THOC5: variants seen among roughly 807,000 people sequenced by gnomAD.
The protein encoded by THOC5 is Fms-interacting protein.
THOC5 carries 43 observed loss-of-function variants against 92.9 expected under a neutral mutation model. The ratio of observed to expected loss-of-function variants is 0.46; its 90% CI spans 0.36 to 0.60. The LOEUF (loss-of-function observed/expected upper bound fraction) is 0.60, where lower values mean the gene tolerates loss of function less well. THOC5 is among the 20% of genes least tolerant of loss of function. THOC5 has a pLI of 0.00. For missense variants in THOC5, 659 were observed against 849.4 expected (o/e 0.78, Z 2.79); for synonymous variants, 296 against 320.1 (o/e 0.92, Z 0.80).
At chr22:29,543,366 AAAAAAAG>A in intron 4 of THOC5, 56 bp downstream of exon 4, 1 of 1,126,820 alleles carries the variant, frequency 8.9e-7, no homozygotes. Flanking sequence ...AAAAAAAAAA[AAAAAAAG>A]AAGGGGATGG....
intron 3 of THOC5, among the ~76,000 whole-genome samples, chr22:29,544,179 A>G (rs1436204001): frequency 6.6e-6 from 1 of 152,198 alleles, no homozygotes; most frequent in Non-Finnish European, 1.5e-5. Flanking sequence ...ATCATTTCTC[A>G]ACACCTAGCA....
chr22:29,530,684 C>G (rs935070258), intron 8 of THOC5, among the ~76,000 whole-genome samples: 3 of 152,188 alleles, frequency 2.0e-5, no homozygotes, highest in Admixed American at 6.5e-5. Context: ...CTTGGCCTCT[C>G]CAGCACATGA....
chr22:29,529,029 C>T (rs926449105), intron 9 of THOC5, 133 bp downstream of exon 9: 1 of 865,640 alleles, frequency 1.2e-6, no homozygotes, highest in Admixed American at 2.2e-5. Context: ...TTCCTGTCTA[C>T]TCCAGGGTGC....
At chr22:29,525,978 G>T in intron 11 of THOC5, 32 bp from the exon 12 acceptor site, 1 of 1,369,248 alleles carries the variant, frequency 7.3e-7, no homozygotes, top group Non-Finnish European at 1.0e-6. Flanking sequence ...GAATTTATGA[G>T]TCAAAACACT....
intron 5 of THOC5, among the ~76,000 whole-genome samples, chr22:29,539,763 A>G (rs1270618342): frequency 6.6e-6 from 1 of 152,170 alleles, no homozygotes; most frequent in Non-Finnish European, 1.5e-5. Context: ...TGAGCAGGAG[A>G]ACTACTAGCT....
At chr22:29,548,835 C>G (rs2064082034) in intron 2 of THOC5, among the ~76,000 whole-genome samples, 1 of 152,174 alleles carries the variant, frequency 6.6e-6, no homozygotes, top group Admixed American at 6.6e-5. Flanking sequence ...ATAATCATGT[C>G]TAATACAGGC....
intron 17 of THOC5, among the ~76,000 whole-genome samples, chr22:29,512,415 A>G (rs2063242701): frequency 6.6e-6 from 1 of 152,184 alleles, no homozygotes; most frequent in African/African-American, 2.4e-5. Flanking sequence ...GGCTCTCTCC[A>G]TGAGTTCTAT....
At chr22:29,543,312 C>T in intron 4 of THOC5, 117 bp downstream of exon 4, 1 of 659,796 alleles carries the variant, frequency 1.5e-6, no homozygotes, top group Non-Finnish European at 2.5e-6. Context: ...CGTGCCACTG[C>T]ACTCTAGCCT....
At chr22:29,536,569 T>A (rs2063763896) in intron 7 of THOC5, 55 bp downstream of exon 7, 2 of 1,078,266 alleles carry the variant, frequency 1.9e-6, no homozygotes. Flanking sequence ...GTGACATGAC[T>A]TCTGGCAGCG....
chr22:29,547,503 C>T (rs1196505131), intron 2 of THOC5, among the ~76,000 whole-genome samples: 6 of 152,132 alleles, frequency 3.9e-5, no homozygotes, highest in Admixed American at 3.9e-4. Flanking sequence ...GCTGGGATTA[C>T]AGGCTACCGC....
In THOC5 at chr22:29,517,289, C is replaced by G. The variant is rs35832657; in HGVS notation, c.1567G>C (p.Val523Leu). 1 of 1,614,196 alleles carries G rather than the reference C, an allele frequency of 6.2e-7. No individual in the cohort carries two copies. Among genetic ancestry groups the G allele is most frequent in the Non-Finnish European group, 8.5e-7 (1 of 1,180,026 alleles). ...AKVVSRLVKW[V>L]TVAHEDYMEL... ...ATGTAATCCTCATGGGCAACTGTCA[C>G]CCATTTCACCAGGCGAGAGACAACC... Residue 523 changes from valine (V) to leucine (L), a missense_variant, in exon 16 of 20, where the codon GTG becomes CTG. By Grantham distance (32) the Val-to-Leu change is conservative. Coordinates refer to ENST00000490103, the MANE Select transcript of THOC5 (RefSeq NM_003678.5).
intron 3 of THOC5, 108 bp downstream of exon 3, chr22:29,544,352 T>C (rs2063966997): frequency 2.4e-6 from 3 of 1,233,018 alleles, no homozygotes; most frequent in African/African-American, 3.1e-5. Context: ...AATCACCTGA[T>C]CATGGCTAGG....
chr22:29,535,271 A>AG (rs2063737438), intron 7 of THOC5: 1 of 151,796 alleles, frequency 6.6e-6, no homozygotes, highest in South Asian at 2.1e-4. Flanking sequence ...CAAAAAAAAA[A>AG]AAAAAAAAAG....
intron 19 of THOC5, among the ~76,000 whole-genome samples, chr22:29,510,072 T>C (rs564179644): frequency 6.6e-6 from 1 of 152,306 alleles, no homozygotes; most frequent in Admixed American, 6.5e-5. Context: ...ATCTGCAGTT[T>C]TGAAACTGAC....
intron 8 of THOC5, chr22:29,531,275 T>C: frequency 1.2e-5 from 12 of 984,994 alleles, no homozygotes; most frequent in Non-Finnish European, 1.4e-5. Flanking sequence ...GGGGAGAAAA[T>C]GTAGGTGCTG....
chr22:29,539,653 G>A (rs1431482506), intron 5 of THOC5, among the ~76,000 whole-genome samples, 177 bp from the exon 6 acceptor site: 1 of 152,148 alleles, frequency 6.6e-6, no homozygotes, highest in Non-Finnish European at 1.5e-5. Context: ...AAGGTAGTTG[G>A]TGACATGCCA....
intron 9 of THOC5, 84 bp downstream of exon 9, chr22:29,529,078 G>T: frequency 7.4e-7 from 1 of 1,358,232 alleles, no homozygotes; most frequent in Non-Finnish European, 1.1e-6. Flanking sequence ...CACAGAACTA[G>T]TCCAGCTAGT....
chr22:29,536,737 G>A lies in THOC5; in HGVS notation c.601C>T (p.Leu201=). The change falls in exon 7 of 20, where the codon CTG becomes TTG. Residue 201 remains leucine (L), a splice_region_variant and synonymous_variant. Coordinates refer to ENST00000490103, the MANE Select transcript of THOC5 (RefSeq NM_003678.5). ...LDWELEQRKR[L]AEKYRECLSN... is the part of the protein sequence containing the mutation. ...AGGCACTCTCGGTACTTCTCTGCCA[G>A]CCTGTTGGGGGAGGAAAGAGCATTG... 6.3e-7 allele frequency: 1 copy of A among 1,576,744 alleles called. No individual in the cohort carries two copies. Among genetic ancestry groups the A allele is most frequent in the South Asian group, 1.1e-5 (1 of 90,326 alleles).
chr22:29,545,964 C>T (rs186627287), intron 2 of THOC5, among the ~76,000 whole-genome samples: 77 of 152,390 alleles, frequency 5.1e-4, no homozygotes, highest in African/African-American at 1.8e-3. Flanking sequence ...TCCATGAGCG[C>T]GCCAGCAGCA....
Sources: gnomAD v4.1 joint callset for allele counts (sites outside exome capture counted in the v4.1 genomes callset) on GRCh38, gnomAD v4.1.1 for gene constraint, MANE v1.5 for transcripts, NCBI Gene and HGNC (gene_info 2026-07-23, HGNC 2026-07-21) for gene names.